Variants in ARHGAP28 observed in about 807,000 individuals in gnomAD.
ARHGAP28 encodes the protein Rho GTPase activating protein 28.
A neutral mutation model predicts 90.7 loss-of-function variants in ARHGAP28; 56 were observed. That is an observed-to-expected ratio of 0.62 (90% CI 0.50 to 0.77). The LOEUF is 0.77. Ranked by LOEUF, ARHGAP28 falls within the 30% of genes least tolerant of loss-of-function variation. ARHGAP28 has a pLI of 0.00. For missense variants in ARHGAP28, 869 were observed against 900.9 expected, an observed-to-expected ratio of 0.96 and a Z score of 0.45; for synonymous variants, 308 against 323.3, an observed-to-expected ratio of 0.95 and a Z score of 0.51.
intron 1 of ARHGAP28, among the ~76,000 whole-genome samples, chr18:6,804,058 C>T (rs4574003): frequency 0.13 from 20,131 of 152,146 alleles, 1,446 homozygotes; most frequent in Non-Finnish European, 0.15. Context: ...GGATTACAGG[C>T]GTGAGCCACC....
intron 1 of ARHGAP28, among the ~76,000 whole-genome samples, chr18:6,798,488 C>G (rs1379771627): frequency 2.0e-5 from 3 of 152,296 alleles, no homozygotes; most frequent in African/African-American, 7.2e-5. Flanking sequence ...GCCCGCCATG[C>G]CCAGCCTGTA....
chr18:6,853,592 C>G (rs771359680), intron 4 of ARHGAP28, among the ~76,000 whole-genome samples: 16 of 152,038 alleles, frequency 1.1e-4, no homozygotes, highest in Admixed American at 2.6e-4. Context: ...CCTGCCTCAG[C>G]CTCCCAAGTA....
At chr18:6,867,779 G>T (rs961940370) in intron 5 of ARHGAP28, among the ~76,000 whole-genome samples, 1 of 151,896 alleles carries the variant, frequency 6.6e-6, no homozygotes, top group Non-Finnish European at 1.5e-5. Flanking sequence ...TATAATTATC[G>T]AATTATATGA....
At position 6,729,908 on chromosome 18, in the gene ARHGAP28, C is replaced by T. The variant is rs1003564177; in HGVS notation, c.87C>T (p.Cys29=). 2 of 1,411,094 alleles carry T rather than the reference C, an allele frequency of 1.4e-6. No individual in the cohort carries two copies. The highest frequency in any genetic ancestry group is 2.5e-4 in the Middle Eastern group (1 of 3,944). The allele number at this position is 1,411,094 out of a possible 1,614,324, so 87.4% of individuals were successfully genotyped here. A position where few individuals can be genotyped will look rare whatever the true frequency, so the allele number is the denominator to read the frequency against. ...RAQPPNAESR[C]APRAAASHPL... The stretch of plus-strand genomic sequence containing the variant: ...AGCCCCCCAACGCCGAGTCGCGCTG[C>T]GCGCCCCGCGCCGCAGCCAGCCACC... The change falls in exon 1 of 18, where the codon TGC becomes TGT. Residue 29 remains cysteine (C), a synonymous_variant. Transcript: ENST00000383472.
At chr18:6,855,125 G>A (rs944617534) in intron 4 of ARHGAP28, among the ~76,000 whole-genome samples, 13 of 152,206 alleles carry the variant, frequency 8.5e-5, no homozygotes, top group African/African-American at 3.1e-4. Context: ...GTTGAAGGTG[G>A]GAGGCAGACA....
At chr18:6,832,397 C>T (rs543147696) in intron 2 of ARHGAP28, among the ~76,000 whole-genome samples, 2 of 152,126 alleles carry the variant, frequency 1.3e-5, no homozygotes, top group East Asian at 3.9e-4. Context: ...GTGTGGTGTT[C>T]TGTAAATGCT....
At chr18:6,839,186 G>C (rs1028487324) in intron 3 of ARHGAP28, among the ~76,000 whole-genome samples, 19 of 152,098 alleles carry the variant, frequency 1.2e-4, no homozygotes, top group Non-Finnish European at 5.9e-5. Flanking sequence ...GTTTTGAAAA[G>C]GCTATTATAC....
intron 5 of ARHGAP28, among the ~76,000 whole-genome samples, chr18:6,865,733 A>T (rs74744833): frequency 7.2e-5 from 11 of 152,348 alleles, no homozygotes; most frequent in South Asian, 4.2e-4. Context: ...TATAGCAGAT[A>T]GTACCAGGCT....
chr18:6,773,088 A>G (rs1039391375), intron 1 of ARHGAP28, among the ~76,000 whole-genome samples: 1 of 152,126 alleles, frequency 6.6e-6, no homozygotes, highest in Non-Finnish European at 1.5e-5. Context: ...TTAAATATGT[A>G]TTTGTTTGAG....
chr18:6,862,267 C>T (rs1483563085), intron 5 of ARHGAP28, among the ~76,000 whole-genome samples: 2 of 152,204 alleles, frequency 1.3e-5, no homozygotes, highest in Admixed American at 1.3e-4. Context: ...TCAAATGAAG[C>T]AGGGGCCAGG....
At chr18:6,864,058 TTTTTA>T (rs1005202397) in intron 5 of ARHGAP28, among the ~76,000 whole-genome samples, 19 of 151,894 alleles carry the variant, frequency 1.3e-4, no homozygotes, top group Non-Finnish European at 1.8e-4. Flanking sequence ...TTTATTTTTA[TTTTTA>T]TTTTATTTTA....
At chr18:6,874,216 T>C (rs139951504) in intron 9 of ARHGAP28, among the ~76,000 whole-genome samples, 1 of 152,370 alleles carries the variant, frequency 6.6e-6, no homozygotes, top group African/African-American at 2.4e-5. Flanking sequence ...GGCTGGGTTT[T>C]AAAAATGTGT....
chr18:6,781,204 C>T (rs974189272), intron 1 of ARHGAP28, among the ~76,000 whole-genome samples: 2 of 152,156 alleles, frequency 1.3e-5, no homozygotes, highest in African/African-American at 4.8e-5. Flanking sequence ...GTCAGGGGGA[C>T]CTGTGTTGGT....
At chr18:6,793,160 T>C (rs1217170742) in intron 1 of ARHGAP28, among the ~76,000 whole-genome samples, 1 of 152,202 alleles carries the variant, frequency 6.6e-6, no homozygotes, top group Non-Finnish European at 1.5e-5. Context: ...TATTTCTTCA[T>C]AATTAACACA....
At position 6,729,858 on chromosome 18, in the gene ARHGAP28, G is replaced by A. The variant is rs1380954178; in HGVS notation, c.37G>A (p.Ala13Thr). 5 of 1,434,318 alleles carry A rather than the reference G, an allele frequency of 3.5e-6. No individual in the cohort carries two copies. The highest frequency in any genetic ancestry group is 1.4e-5 in the South Asian group (1 of 71,366). 88.8% of individuals were successfully genotyped at this position (1,434,318 alleles called of 1,614,324 possible). ...VEDSGGVVLT[A>T]YHSYARAQPP... ...GGACTCGGGCGGCGTGGTGCTGACC[G>A]CCTACCACTCGTACGCGCGCGCCCA... is the stretch of plus-strand genomic sequence containing the variant. The change falls in exon 1 of 18, where the codon GCC becomes ACC. Residue 13 changes from alanine to threonine, a missense_variant. By Grantham distance (58) the Ala-to-Thr change is moderately conservative. Transcript: ENST00000383472.
chr18:6,741,337 G>A (rs2055975797), intron 1 of ARHGAP28, among the ~76,000 whole-genome samples: 1 of 152,092 alleles, frequency 6.6e-6, no homozygotes, highest in Non-Finnish European at 1.5e-5. Context: ...TTACAAGGTC[G>A]ACTTGGCAAC....
chr18:6,820,383 G>C (rs1351181330), intron 1 of ARHGAP28, among the ~76,000 whole-genome samples: 2 of 152,202 alleles, frequency 1.3e-5, no homozygotes, highest in African/African-American at 4.8e-5. Flanking sequence ...GAGAGAGTTG[G>C]GGGAGGGAAG....
chr18:6,850,792 A>C (rs763045264), intron 3 of ARHGAP28: 80 of 1,518,130 alleles, frequency 5.3e-5, no homozygotes, highest in Non-Finnish European at 6.1e-5. Context: ...GGGTTTTGGC[A>C]GGAAGCTAGC....
chr18:6,807,644 C>T (rs1014350415), intron 1 of ARHGAP28, among the ~76,000 whole-genome samples: 4 of 152,186 alleles, frequency 2.6e-5, no homozygotes, highest in African/African-American at 7.2e-5. Context: ...TCCTGACCCT[C>T]GGTGATTACT....
Sources: allele counts gnomAD v4.1 joint callset (sites outside exome capture counted in the v4.1 genomes callset), GRCh38; gene constraint gnomAD v4.1.1; transcripts MANE v1.5; gene names NCBI Gene and HGNC (gene_info 2026-07-23, HGNC 2026-07-21).